The following HCRTR2 variants were observed in gnomAD, a reference collection of about 807,000 sequenced individuals.
The protein encoded by HCRTR2 is hypocretin receptor 2.
A neutral mutation model predicts 49.0 loss-of-function variants in HCRTR2; 22 were observed. The ratio of observed to expected loss-of-function variants is 0.45; its 90% CI spans 0.32 to 0.64. The LOEUF (loss-of-function observed/expected upper bound fraction) is 0.64. Among genes scored for constraint, HCRTR2 ranks in the 30% least tolerant of loss-of-function variants. The pLI is 0.04. For synonymous variants in HCRTR2, 236 were observed against 205.3 expected, an observed-to-expected ratio of 1.15 and a Z score of -1.28; for missense variants, 491 against 559.4, an observed-to-expected ratio of 0.88 and a Z score of 1.23.
chr6:55,120,390 A>G (rs1764180162), intron 1 of HCRTR2, among the ~76,000 whole-genome samples: 1 of 152,066 alleles, frequency 6.6e-6, no homozygotes, highest in Admixed American at 6.6e-5. Flanking sequence ...ATCCATGAGC[A>G]TGGAATGTTT....
At chr6:55,168,933 C>A (rs894897670) in intron 1 of HCRTR2, among the ~76,000 whole-genome samples, 22 of 152,066 alleles carry the variant, frequency 1.4e-4, no homozygotes, top group African/African-American at 5.3e-4. Context: ...AAGTTACTTA[C>A]TTCCGTCTGG....
chr6:55,213,069 G>GA lies in HCRTR2; in HGVS notation c.224-35562dup, dbSNP rs375332122. ...GGGCGAGAAGAAAGTAAGAGTACATGAAAAAAAAGAGGAAGAGAGAGAGCA... is the reference window on the plus strand; with the variant it reads ...GGGCGAGAAGAAAGTAAGAGTACATGAAAAAAAAAGAGGAAGAGAGAGAGCA... On this transcript the variant is annotated intron_variant, in intron 1 of 6. Transcript: ENST00000370862. Among the ~76,000 whole-genome samples, 25 of 148,326 alleles carry GA rather than the reference G, an allele frequency of 1.7e-4. 1 individual carries two copies. Among genetic ancestry groups the GA allele is most frequent in the Admixed American group, 4.9e-4 (7 of 14,288 alleles).
chr6:55,236,788 T>G (rs1766222598), intron 1 of HCRTR2, among the ~76,000 whole-genome samples: 1 of 152,158 alleles, frequency 6.6e-6, no homozygotes, highest in Non-Finnish European at 1.5e-5. Flanking sequence ...TCTCTTATAT[T>G]TATCCTGGTT....
downstream of HCRTR2, among the ~76,000 whole-genome samples, chr6:55,283,400 C>T (rs1194054176): frequency 6.6e-6 from 1 of 151,966 alleles, no homozygotes; most frequent in Non-Finnish European, 1.5e-5. Context: ...GTGGTCTTCA[C>T]CAGAAAGTTT....
intron 1 of HCRTR2, among the ~76,000 whole-genome samples, chr6:55,216,751 G>A (rs901384927): frequency 6.6e-6 from 1 of 152,126 alleles, no homozygotes; most frequent in Non-Finnish European, 1.5e-5. Context: ...TTTCCCAGGT[G>A]GGCACTGCAC....
chr6:55,141,237 C>T (rs112963193), intron 1 of HCRTR2, among the ~76,000 whole-genome samples: 5,788 of 151,452 alleles, frequency 0.038, 360 homozygotes, highest in African/African-American at 0.13. Flanking sequence ...CCCTGCTACT[C>T]GGGAGGCTGA....
upstream of HCRTR2, among the ~76,000 whole-genome samples, chr6:55,172,542 G>A (rs557696359): frequency 1.3e-5 from 2 of 152,122 alleles, no homozygotes; most frequent in South Asian, 4.1e-4. Flanking sequence ...TTTAATTAGT[G>A]CAGATTGGGG....
Position 55,188,406 on chromosome 6 carries a change from G to A in HCRTR2, c.223+13596G>A, listed in dbSNP as rs1476069082. The stretch of plus-strand genomic sequence containing the variant: ...GAAGACCGCTCTGAATGCTGAGTTA[G>A]CATCAGCAATAATAGAAATATATGC... On this transcript the variant is annotated intron_variant, in intron 1 of 6. Coordinates refer to ENST00000370862, the MANE Select transcript of HCRTR2 (RefSeq NM_001384272.1). Among the ~76,000 whole-genome samples the A allele has an allele frequency of 2.0e-5, 3 of 152,298 alleles. No homozygotes were observed. In the East Asian group the frequency reaches 5.8e-4, roughly 29 times the overall value.
intron 1 of HCRTR2, among the ~76,000 whole-genome samples, chr6:55,208,175 T>C (rs933883394): frequency 3.3e-5 from 5 of 152,014 alleles, no homozygotes; most frequent in Admixed American, 3.3e-4. Context: ...TAAACCTCCA[T>C]TTAAGAATGA....
At chr6:55,221,227 C>G (rs887751611) in intron 1 of HCRTR2, among the ~76,000 whole-genome samples, 1 of 151,962 alleles carries the variant, frequency 6.6e-6, no homozygotes, top group Non-Finnish European at 1.5e-5. Flanking sequence ...CTTAGAAAAT[C>G]TGGAGAAAGA....
intron 1 of HCRTR2, among the ~76,000 whole-genome samples, chr6:55,232,269 A>G (rs1766130119): frequency 2.0e-5 from 3 of 152,274 alleles, no homozygotes; most frequent in Middle Eastern, 6.8e-3. Flanking sequence ...TACAATCTTT[A>G]TATATTCACT....
chr6:55,173,711 C>G (rs375686990), upstream of HCRTR2, among the ~76,000 whole-genome samples: 109 of 152,310 alleles, frequency 7.2e-4, 3 homozygotes, highest in South Asian at 0.017. Context: ...ATATTTATGA[C>G]ACTTGGCGTC....
intron 1 of HCRTR2, among the ~76,000 whole-genome samples, chr6:55,146,301 C>A (rs1392977487): frequency 2.0e-5 from 3 of 152,168 alleles, no homozygotes; most frequent in African/African-American, 7.2e-5. Context: ...AGGACACTGG[C>A]ATTAATGCAA....
At chr6:55,122,795 T>G (rs190231320) in intron 1 of HCRTR2, among the ~76,000 whole-genome samples, 3 of 152,046 alleles carry the variant, frequency 2.0e-5, no homozygotes, top group East Asian at 1.9e-4. Flanking sequence ...CCATAAAAAA[T>G]GATGAGTTCA....
chr6:55,191,479 A>C (rs1765314194), intron 1 of HCRTR2, among the ~76,000 whole-genome samples: 1 of 152,158 alleles, frequency 6.6e-6, no homozygotes, highest in Non-Finnish European at 1.5e-5. Flanking sequence ...ATAGTTAGTC[A>C]ATTATGTCAT....
At chr6:55,112,065 C>A (rs996260127) in intron 1 of HCRTR2, among the ~76,000 whole-genome samples, 2 of 151,914 alleles carry the variant, frequency 1.3e-5, no homozygotes, top group African/African-American at 2.4e-5. Flanking sequence ...TCAATAGATG[C>A]AGAAAAAGCA....
At chr6:55,130,350 C>CAGTT (rs1192393625) in intron 1 of HCRTR2, among the ~76,000 whole-genome samples, 1 of 151,564 alleles carries the variant, frequency 6.6e-6, no homozygotes, top group Non-Finnish European at 1.5e-5. Flanking sequence ...TAACTTTTAC[C>CAGTT]AGTTGGAGAA....
intron 1 of HCRTR2, among the ~76,000 whole-genome samples, chr6:55,187,428 A>G (rs1248398359): frequency 4.4e-4 from 5 of 11,344 alleles, no homozygotes; most frequent in African/African-American, 1.3e-3. Context: ...AAAAAAAAAA[A>G]AAAAAAAAAA....
intron 1 of HCRTR2, among the ~76,000 whole-genome samples, chr6:55,177,548 C>T (rs541811619): frequency 3.9e-5 from 6 of 152,194 alleles, no homozygotes; most frequent in African/African-American, 1.4e-4. Flanking sequence ...AGGTAAAATA[C>T]CACAGTGTAG....
Sources: gnomAD v4.1 joint callset for allele counts (sites outside exome capture counted in the v4.1 genomes callset) on GRCh38, gnomAD v4.1.1 for gene constraint, MANE v1.5 for transcripts, NCBI Gene and HGNC (gene_info 2026-07-23, HGNC 2026-07-21) for gene names.